The following SYNE1 variants were observed in gnomAD, a reference collection of about 807,000 sequenced individuals.
SYNE1 encodes nesprin-1.
A neutral mutation model predicts 1,111.0 loss-of-function variants in SYNE1; 616 were observed. The ratio of observed to expected loss-of-function variants is 0.55; its 90% confidence interval spans 0.52 to 0.59. SYNE1 has a LOEUF of 0.59. Among genes scored for constraint, SYNE1 ranks in the 20% least tolerant of loss-of-function variants. The pLI, the probability that SYNE1 is intolerant of heterozygous loss-of-function variation, is 0.00. For synonymous variants in SYNE1, 3,855 were observed against 3,825.8 expected (o/e 1.01, Z -0.28); for missense variants, 10,006 against 10,417.0 (o/e 0.96, Z 1.72).
In SYNE1 at chr6:152,465,302, C is replaced by T; in HGVS notation, c.1888G>A (p.Glu630Lys). Residue 630 changes from glutamate to lysine, a missense_variant, in exon 18 of 146, where the codon GAG becomes AAG. Transcript: ENST00000367255. ...TGATTGAGCATTTTTTCAGCATCCT[C>T]TAGCCAGGCTTGCAGACTAGCCACT... ...NTVASLQAWL[E>K]DAEKMLNQSE... 1 of 1,613,796 alleles carries T rather than the reference C, an allele frequency of 6.2e-7. No homozygotes were observed. Among genetic ancestry groups the T allele is most frequent in the East Asian group, 2.2e-5 (1 of 44,860 alleles).
At position 152,164,220 on chromosome 6, in the gene SYNE1, T is replaced by A; in HGVS notation, c.23733A>T (p.Pro7911=). 6.2e-7 allele frequency: 1 copy of A among 1,614,208 alleles called. No homozygotes were observed. The highest frequency in any genetic ancestry group is 1.1e-5 in the South Asian group (1 of 91,082). The change falls in exon 131 of 146, where the codon CCA becomes CCT. Residue 7911 remains proline (P), a synonymous_variant. Transcript: ENST00000367255. The part of the protein sequence containing the change: ...LAHIESELAK[P]IVYDSCNSEE... Reference sequence around the variant, plus strand: ...CCGAGTTACAGGAATCGTAGACTATTGGCTTGGCCAGCTCTGACTCGATGT... The same window carrying A: ...CCGAGTTACAGGAATCGTAGACTATAGGCTTGGCCAGCTCTGACTCGATGT...
intron 8 of SYNE1, among the ~76,000 whole-genome samples, chr6:152,509,367 G>A (rs1594286427): frequency 6.7e-6 from 1 of 148,574 alleles, no homozygotes; most frequent in African/African-American, 2.5e-5. Flanking sequence ...AGCGATTCTG[G>A]TGCCTCAGCC....
In SYNE1 at chr6:152,382,065, A is replaced by C. The variant is rs553720359; in HGVS notation, c.8653-703T>G. ...CAAGTTAACAATTTAGCTCGATCTT[A>C]AAGCACACAAATACTGTAAAGGAAA... On this transcript the variant is annotated intron_variant, in intron 55 of 145. Coordinates refer to ENST00000367255, the MANE Select transcript of SYNE1 (RefSeq NM_182961.4). Among the ~76,000 whole-genome samples the C allele has an allele frequency of 5.3e-5, 8 of 152,364 alleles. No individual in the cohort carries two copies. In the South Asian group the frequency reaches 1.4e-3, roughly 28 times the overall value.
chr6:152,286,625 C>A (rs2094344352), intron 95 of SYNE1, among the ~76,000 whole-genome samples: 1 of 152,146 alleles, frequency 6.6e-6, no homozygotes. Flanking sequence ...TGCTAAAAAT[C>A]TTTTGCCCAT....
At chr6:152,523,366 G>C (rs1430418839) in intron 5 of SYNE1, among the ~76,000 whole-genome samples, 1 of 151,982 alleles carries the variant, frequency 6.6e-6, no homozygotes, top group African/African-American at 2.4e-5. Flanking sequence ...TTGATTGTAA[G>C]TATTTGGCTT....
intron 58 of SYNE1, among the ~76,000 whole-genome samples, chr6:152,374,110 GA>G (rs1462755980): frequency 3.9e-5 from 6 of 152,326 alleles, no homozygotes; most frequent in African/African-American, 1.4e-4. Flanking sequence ...AATAACAAGA[GA>G]GTGTTTCATA....
At chr6:152,406,739 A>C (rs929870049) in intron 45 of SYNE1, among the ~76,000 whole-genome samples, 27 of 152,078 alleles carry the variant, frequency 1.8e-4, no homozygotes, top group African/African-American at 6.5e-4. Context: ...CTGGTGGTGC[A>C]TGCCTGTAAT....
chr6:152,294,439 A>G (rs748293595), intron 93 of SYNE1, among the ~76,000 whole-genome samples: 6 of 152,222 alleles, frequency 3.9e-5, no homozygotes, highest in Non-Finnish European at 7.3e-5. Context: ...GTACACATGT[A>G]TTTAAAGGTT....
chr6:152,442,057 C>T lies in SYNE1; in HGVS notation c.4008+18G>A, dbSNP rs2154232610. 1.2e-6 allele frequency: 2 copies of T among 1,613,930 alleles called. No individual in the cohort carries two copies. Among genetic ancestry groups the T allele is most frequent in the Admixed American group, 1.7e-5 (1 of 59,994 alleles). Reference sequence around the variant, plus strand: ...TGCCCAGCCTCTGTTTAAATGGCCCCTAACTTCCGGCTCCTACCTGGATGC... The same window carrying T: ...TGCCCAGCCTCTGTTTAAATGGCCCTTAACTTCCGGCTCCTACCTGGATGC... On this transcript the variant is annotated intron_variant, in intron 31 of 145. Coordinates refer to ENST00000367255, the MANE Select transcript of SYNE1 (RefSeq NM_182961.4).
intron 11 of SYNE1, among the ~76,000 whole-genome samples, chr6:152,495,795 C>T (rs554370564): frequency 5.9e-5 from 9 of 152,354 alleles, no homozygotes; most frequent in East Asian, 3.9e-4. Context: ...GCAGGGGCCA[C>T]GTGCATCAGG....
At chr6:152,225,634 T>G in intron 116 of SYNE1, 87 bp downstream of exon 116, 1 of 1,489,860 alleles carries the variant, frequency 6.7e-7, no homozygotes, top group Non-Finnish European at 9.4e-7. Flanking sequence ...GATTATTTCC[T>G]CTGCTACTTT....
chr6:152,179,984 C>T, intron 129 of SYNE1, 152 bp downstream of exon 129: 1 of 910,090 alleles, frequency 1.1e-6, no homozygotes, highest in Non-Finnish European at 1.6e-6. Context: ...CGCCCAGCTG[C>T]AAGTTTATTT....
intron 93 of SYNE1, among the ~76,000 whole-genome samples, chr6:152,297,886 GA>G (rs1289582692): frequency 6.6e-6 from 1 of 151,066 alleles, no homozygotes. Context: ...AAAAGGATTT[GA>G]AAATATGTCA....
intron 59 of SYNE1, among the ~76,000 whole-genome samples, chr6:152,371,890 A>C (rs1448966933): frequency 6.6e-4 from 70 of 105,800 alleles, no homozygotes; most frequent in African/African-American, 2.5e-3. Flanking sequence ...AAGGAAAGGA[A>C]AGGAAAGGAA....
At position 152,447,540 on chromosome 6, in the gene SYNE1, G is replaced by A. The variant is rs886061212; in HGVS notation, c.3587C>T (p.Ser1196Phe). The change falls in exon 29 of 146, where the codon TCT (serine) becomes TTT (phenylalanine). Residue 1196 changes from serine (S) to phenylalanine (F), a missense_variant. Coordinates refer to ENST00000367255, the MANE Select transcript of SYNE1 (RefSeq NM_182961.4). The part of the protein sequence containing the change: ...SRLKVLTEVS[S>F]ENEAQKQGDE... The stretch of plus-strand genomic sequence containing the variant: ...TCCCTGCTTTTGGGCTTCATTCTCA[G>A]AAGAAACTTCTGTCAAAACTTTCAG... 24 of 1,614,100 alleles carry A rather than the reference G, an allele frequency of 1.5e-5. No individual in the cohort carries two copies. Among genetic ancestry groups the A allele is most frequent in the Middle Eastern group, 3.3e-4 (2 of 6,084 alleles).
chr6:152,612,964 AT>A (rs2099636007), intron 3 of SYNE1, among the ~76,000 whole-genome samples: 1 of 152,108 alleles, frequency 6.6e-6, no homozygotes, highest in Non-Finnish European at 1.5e-5. Context: ...ATGCTAAAAA[AT>A]CTCAATAAAC....
intron 107 of SYNE1, among the ~76,000 whole-genome samples, chr6:152,241,512 G>GTT (rs2085676249): frequency 1.5e-5 from 2 of 129,572 alleles, no homozygotes; most frequent in Admixed American, 8.3e-5. Flanking sequence ...GTGTGTGTGT[G>GTT]TGTGTGTGTG....
At chr6:152,478,899 C>T (rs58873909) in intron 14 of SYNE1, among the ~76,000 whole-genome samples, 12,202 of 152,052 alleles carry the variant, frequency 0.08, 1,692 homozygotes, top group African/African-American at 0.28. Context: ...TGTGTTTTTA[C>T]CAGGACACTA....
chr6:152,157,373 A>C (rs1455770924), intron 131 of SYNE1, among the ~76,000 whole-genome samples: 1 of 152,216 alleles, frequency 6.6e-6, no homozygotes, highest in Non-Finnish European at 1.5e-5. Flanking sequence ...GAGCTAAAAA[A>C]GTTGATCTCA....
Sources: gnomAD v4.1 joint callset for allele counts (sites outside exome capture counted in the v4.1 genomes callset) on GRCh38, gnomAD v4.1.1 for gene constraint, MANE v1.5 for transcripts, NCBI Gene and HGNC (gene_info 2026-07-23, HGNC 2026-07-21) for gene names.